MAST4: variants seen among roughly 807,000 people sequenced by gnomAD.
MAST4 encodes the protein microtubule-associated serine/threonine-protein kinase 4.
MAST4 carries 89 observed loss-of-function variants against 162.7 expected under a neutral mutation model. The ratio of observed to expected loss-of-function variants is 0.55; its 90% confidence interval spans 0.46 to 0.65. The LOEUF (loss-of-function observed/expected upper bound fraction) is 0.65, where lower values mean the gene tolerates loss of function less well. Among genes scored for constraint, MAST4 ranks in the 30% least tolerant of loss-of-function variants. The pLI, the probability that MAST4 is intolerant of heterozygous loss-of-function variation, is 0.00. For missense variants in MAST4, 3,153 were observed against 3,374.0 expected, an observed-to-expected ratio of 0.93 and a Z score of 1.62; for synonymous variants, 1,479 against 1,361.1, an observed-to-expected ratio of 1.09 and a Z score of -1.91.
At chr5:66,616,390 A>G (rs753720623) in intron 1 of MAST4, among the ~76,000 whole-genome samples, 1 of 152,186 alleles carries the variant, frequency 6.6e-6, no homozygotes, top group South Asian at 2.1e-4. Flanking sequence ...AATAATACAT[A>G]GGAATTAGTT....
intron 1 of MAST4, among the ~76,000 whole-genome samples, chr5:66,655,165 T>A: frequency 6.6e-6 from 1 of 152,184 alleles, no homozygotes; most frequent in East Asian, 1.9e-4. Flanking sequence ...GATGGGAGTC[T>A]TAGAACTTTG....
chr5:66,922,290 ATTTAT>A (rs1764591605), intron 4 of MAST4, among the ~76,000 whole-genome samples: 1 of 152,210 alleles, frequency 6.6e-6, no homozygotes, highest in African/African-American at 2.4e-5. Flanking sequence ...AGACTGCTCC[ATTTAT>A]TGGGATGAAG....
At chr5:66,812,061 G>C (rs1215777275) in intron 3 of MAST4, among the ~76,000 whole-genome samples, 1 of 152,102 alleles carries the variant, frequency 6.6e-6, no homozygotes, top group East Asian at 1.9e-4. Context: ...GGTCGGGAGG[G>C]AGAGAACCGC....
intron 4 of MAST4, among the ~76,000 whole-genome samples, chr5:67,038,958 A>G (rs1756379106): frequency 6.6e-6 from 1 of 152,194 alleles, no homozygotes; most frequent in South Asian, 2.1e-4. Context: ...AAGGACATAG[A>G]AAACACTGTT....
chr5:66,923,594 T>G, intron 4 of MAST4, among the ~76,000 whole-genome samples: 1 of 152,188 alleles, frequency 6.6e-6, no homozygotes, highest in Non-Finnish European at 1.5e-5. Context: ...TGGTCCTAAA[T>G]CTACATCCTC....
In MAST4 at chr5:66,596,708, G is replaced by A. The variant is rs2149376358; in HGVS notation, c.53G>A (p.Gly18Asp). 19 of 1,453,786 alleles carry A rather than the reference G, an allele frequency of 1.3e-5. No individual in the cohort carries two copies. Among genetic ancestry groups the A allele is most frequent in the Non-Finnish European group, 1.6e-5 (18 of 1,104,098 alleles). 90.1% of individuals were successfully genotyped at this position (1,453,786 alleles called of 1,614,324 possible). A position where few individuals can be genotyped will look rare whatever the true frequency, so the allele number is the denominator to read the frequency against. ...GAGCCGGTGCCCCGCGGCTGCAGTG[G>A]CCACGGCAGCCGGACTCCAGCCTCT... ...APEPVPRGCSGHGSRTPASAL... is the reference protein window; with the variant it reads ...APEPVPRGCSDHGSRTPASAL... The change falls in exon 1 of 29, where the codon GGC (glycine) becomes GAC (aspartate). Residue 18 changes from glycine (G) to aspartate (D), a missense_variant. Physicochemically the swap from Gly to Asp is moderately conservative, Grantham distance 94 (BLOSUM62 -1). Around this residue, in one of 7 missense-constraint regions of MAST4, gnomAD observed 327 missense variants for 336.5 expected, o/e 0.97. Coordinates refer to ENST00000403625, the MANE Select transcript of MAST4 (RefSeq NM_001164664.2).
intron 4 of MAST4, among the ~76,000 whole-genome samples, chr5:66,966,888 G>T (rs975479092): frequency 6.6e-6 from 1 of 152,182 alleles, no homozygotes; most frequent in African/African-American, 2.4e-5. Context: ...AAAAAACAGA[G>T]TTGGTGAGGG....
intron 4 of MAST4, among the ~76,000 whole-genome samples, chr5:66,926,682 A>G (rs867177353): frequency 6.6e-6 from 1 of 151,906 alleles, no homozygotes; most frequent in South Asian, 2.1e-4. Flanking sequence ...ATATATATAT[A>G]TTTCCATTAT....
chr5:66,822,287 T>A (rs1757032734), intron 3 of MAST4, among the ~76,000 whole-genome samples: 1 of 152,130 alleles, frequency 6.6e-6, no homozygotes, highest in South Asian at 2.1e-4. Context: ...AGCCTTGCCC[T>A]GAGTCATTTC....
intron 10 of MAST4, among the ~76,000 whole-genome samples, chr5:67,107,356 T>A (rs1765712260): frequency 6.6e-6 from 1 of 152,210 alleles, no homozygotes; most frequent in South Asian, 2.1e-4. Flanking sequence ...ATTTTTAAAA[T>A]ATTGATTTTT....
chr5:67,118,700 A>C lies in MAST4; in HGVS notation c.1610A>C (p.Asn537Thr). 6.3e-7 allele frequency: 1 copy of C among 1,575,752 alleles called. No individual in the cohort carries two copies. The highest frequency in any genetic ancestry group is 8.6e-7 in the Non-Finnish European group (1 of 1,157,740). Residue 537 changes from asparagine to threonine, a missense_variant, in exon 13 of 29, where the codon AAC (asparagine) becomes ACC (threonine). Transcript: ENST00000403625. Reference protein sequence around the residue: ...DPLEEMAHLGNYDSGTAETPE... With the variant: ...DPLEEMAHLGTYDSGTAETPE... ...AACTTAGAAATGGCTCATTTGGGAA[A>C]CTACGATAGTGGGACAGCAGAAACA...
At position 67,166,562 on chromosome 5, in the gene MAST4, C is replaced by A; in HGVS notation, c.7383C>A (p.Cys2461Ter). 1 of 1,606,166 alleles carries A rather than the reference C, an allele frequency of 6.2e-7. No individual in the cohort carries two copies. The highest frequency in any genetic ancestry group is 1.1e-5 in the South Asian group (1 of 89,424). Residue 2461 changes from cysteine (C) to a stop codon, truncating the protein, a stop_gained, in exon 29 of 29, where the codon TGC (cysteine) becomes TGA (stop). Transcript: ENST00000403625. LOFTEE classifies it low-confidence loss of function (END_TRUNC). ...STALPEKSLSCSSSFPETRAG... is the reference protein window; with the variant it reads ...STALPEKSLS Reference sequence around the variant, plus strand: ...CCCTCCCGGAAAAGTCTCTGAGCTGCTCCTCCAGCTTCCCTGAAACCAGGG... The same window carrying A: ...CCCTCCCGGAAAAGTCTCTGAGCTGATCCTCCAGCTTCCCTGAAACCAGGG...
chr5:67,104,681 A>G, intron 10 of MAST4, 106 bp downstream of exon 10: 1 of 744,762 alleles, frequency 1.3e-6, no homozygotes, highest in Admixed American at 2.9e-5. Flanking sequence ...CACATTCCAG[A>G]GAAGCAAAAA....
At chr5:66,849,271 C>T (rs1384421181) in intron 3 of MAST4, among the ~76,000 whole-genome samples, 1 of 152,090 alleles carries the variant, frequency 6.6e-6, no homozygotes, top group Non-Finnish European at 1.5e-5. Flanking sequence ...TACCCCAATT[C>T]GAAGCTGAGG....
chr5:66,954,847 G>C (rs1196129856), intron 4 of MAST4, among the ~76,000 whole-genome samples: 3 of 150,216 alleles, frequency 2.0e-5, no homozygotes, highest in Non-Finnish European at 4.4e-5. Context: ...GTTGCAGTGA[G>C]CCGAGATCAC....
At chr5:66,937,693 G>C (rs1742909143) in intron 4 of MAST4, among the ~76,000 whole-genome samples, 2 of 151,876 alleles carry the variant, frequency 1.3e-5, no homozygotes, top group South Asian at 4.1e-4. Flanking sequence ...TTCTAGGTAA[G>C]TTAGAATCAT....
intron 1 of MAST4, among the ~76,000 whole-genome samples, chr5:66,632,432 G>A (rs1237205980): frequency 6.6e-6 from 1 of 152,150 alleles, no homozygotes; most frequent in East Asian, 1.9e-4. Context: ...CTTTGGAGAA[G>A]TCATCTGGGC....
At chr5:66,850,329 A>G (rs1759211597) in intron 3 of MAST4, among the ~76,000 whole-genome samples, 1 of 152,232 alleles carries the variant, frequency 6.6e-6, no homozygotes, top group South Asian at 2.1e-4. Context: ...TTATCAAAAT[A>G]GTGAATGTCA....
At position 67,163,921 on chromosome 5, in the gene MAST4, T is replaced by C. The variant is rs777594454; in HGVS notation, c.4742T>C (p.Val1581Ala). 3.7e-6 allele frequency: 6 copies of C among 1,613,938 alleles called. No individual in the cohort carries two copies. Among genetic ancestry groups the C allele is most frequent in the Admixed American group, 1.7e-5 (1 of 60,018 alleles). Residue 1581 changes from valine to alanine, a missense_variant, in exon 29 of 29, where the codon GTG (valine) becomes GCG (alanine). Transcript: ENST00000403625. The surrounding 1 kb of genome is among the most constrained non-coding windows in gnomAD (Gnocchi z 7.0). ...EREKKVYPKA[V>A]ERSSTFENKA... Reference sequence around the variant, plus strand: ...GAGAAGAAAGTCTATCCGAAGGCTGTGGAAAGGTCAAGTACTTTTGAAAAC... The same window carrying C: ...GAGAAGAAAGTCTATCCGAAGGCTGCGGAAAGGTCAAGTACTTTTGAAAAC...
Sources: allele counts gnomAD v4.1 joint callset (sites outside exome capture counted in the v4.1 genomes callset), GRCh38; gene constraint gnomAD v4.1.1; regional missense constraint gnomAD v4.1.1; non-coding constraint Gnocchi (gnomAD v3.1); transcripts MANE v1.5; gene names NCBI Gene and HGNC (gene_info 2026-07-23, HGNC 2026-07-21).